Variants in NUP153 observed in about 807,000 individuals in gnomAD.
NUP153 encodes nuclear pore complex protein Nup153.
NUP153 carries 27 observed loss-of-function variants against 134.6 expected under a neutral mutation model. That is an observed-to-expected ratio of 0.20 (90% confidence interval 0.15 to 0.28). The LOEUF (loss-of-function observed/expected upper bound fraction) is 0.28, where lower values mean the gene tolerates loss of function less well. Ranked by LOEUF, NUP153 falls within the 10% of genes least tolerant of loss-of-function variation. NUP153 has a pLI of 1.00. For synonymous variants in NUP153, 640 were observed against 623.5 expected (o/e 1.03, Z -0.40); for missense variants, 1,821 against 1,731.3 (o/e 1.05, Z -0.92).
chr6:17,630,084 A>G lies in NUP153; in HGVS notation c.2660-545T>C, dbSNP rs1765154615. On this transcript the variant is annotated intron_variant, in intron 17 of 21. Coordinates refer to ENST00000262077, the MANE Select transcript of NUP153 (RefSeq NM_005124.4). ...GGCAGAAAGGGAGTGCGGTATACAG[A>G]CTTTTCTAACAAGGTAAAAGGAAGT... Among the ~76,000 whole-genome samples the G allele has an allele frequency of 2.0e-5, 3 of 152,224 alleles. No homozygotes were observed. In the South Asian group the frequency reaches 6.2e-4, roughly 31 times the overall value.
At chr6:17,701,388 G>T (rs576189964) in intron 1 of NUP153, among the ~76,000 whole-genome samples, 1 of 152,078 alleles carries the variant, frequency 6.6e-6, no homozygotes, top group Admixed American at 6.6e-5. Flanking sequence ...ATTAGGCCGA[G>T]TGTGGTAGCT....
At chr6:17,703,216 TA>T (rs953417967) in intron 1 of NUP153, among the ~76,000 whole-genome samples, 17 of 141,500 alleles carry the variant, frequency 1.2e-4, no homozygotes, top group Admixed American at 2.8e-4. Flanking sequence ...AAAAAAAAAT[TA>T]AAAAAAAAAT....
chr6:17,691,997 A>T (rs1464585431), intron 1 of NUP153, among the ~76,000 whole-genome samples: 1 of 152,146 alleles, frequency 6.6e-6, no homozygotes. Context: ...AGATTTAAAA[A>T]TTTTTTGGGG....
At chr6:17,698,605 G>C (rs1027037953) in intron 1 of NUP153, among the ~76,000 whole-genome samples, 1 of 152,006 alleles carries the variant, frequency 6.6e-6, no homozygotes, top group Admixed American at 6.6e-5. Flanking sequence ...GGGCGTGGTG[G>C]TGGGCACCTG....
At position 17,665,248 on chromosome 6, in the gene NUP153, G is replaced by C. The variant is rs6906499; in HGVS notation, c.1206C>G (p.Asn402Lys). 459,734 of 1,588,158 alleles carry C rather than the reference G, an allele frequency of 0.29. 69,529 individuals carry two copies. Among genetic ancestry groups the C allele is most frequent in the East Asian group, 0.33 (14,627 of 44,620 alleles). ...ATATACATATACTCACACTGCACTT[G>C]TTATCTATTCTTTGATTAGTCTTCC... ...EFRKTNQRID[N>K]KCSTGYEKNM... Residue 402 changes from asparagine to lysine, a missense_variant, in exon 9 of 22, where the codon AAC becomes AAG. By Grantham distance (94) the Asn-to-Lys change is moderately conservative (BLOSUM62 0). Coordinates refer to ENST00000262077, the MANE Select transcript of NUP153 (RefSeq NM_005124.4).
intron 20 of NUP153, among the ~76,000 whole-genome samples, chr6:17,622,561 A>G (rs1764700384): frequency 6.6e-6 from 1 of 152,182 alleles, no homozygotes; most frequent in Non-Finnish European, 1.5e-5. Flanking sequence ...TCTTTCCCCA[A>G]GTTTCAACAA....
chr6:17,691,218 T>G (rs973558451), intron 1 of NUP153, among the ~76,000 whole-genome samples: 2 of 152,090 alleles, frequency 1.3e-5, no homozygotes, highest in Non-Finnish European at 2.9e-5. Context: ...ATTGTGCAAA[T>G]TTTCAATAGA....
chr6:17,643,081 C>A (rs1765939376), intron 14 of NUP153, among the ~76,000 whole-genome samples: 4 of 152,132 alleles, frequency 2.6e-5, no homozygotes, highest in Admixed American at 2.6e-4. Context: ...TGTTTTGGAA[C>A]TAGATAAAAA....
chr6:17,646,055 AT>A lies in NUP153; in HGVS notation c.1720+11del. ...TTGTTTGTATGTTAAAATGTAAGAA[AT>A]TTTTACTTACCTGAACTACTTATAA... On this transcript the variant is annotated intron_variant, in intron 14 of 21. Transcript: ENST00000262077. 1 of 1,345,384 alleles carries A rather than the reference AT, an allele frequency of 7.4e-7. No homozygotes were observed. Among genetic ancestry groups the A allele is most frequent in the Non-Finnish European group, 1.1e-6 (1 of 950,712 alleles). 83.3% of individuals were successfully genotyped at this position (1,345,384 alleles called of 1,614,324 possible).
chr6:17,624,662 G>A lies in NUP153; in HGVS notation c.4073C>T (p.Ala1358Val), dbSNP rs746316376. 6 of 1,614,064 alleles carry A rather than the reference G, an allele frequency of 3.7e-6. No homozygotes were observed. The highest frequency in any genetic ancestry group is 2.7e-5 in the African/African-American group (2 of 74,926). The change falls in exon 20 of 22, where the codon GCA becomes GTA. Residue 1358 changes from alanine (A) to valine (V), a missense_variant. Transcript: ENST00000262077. ...TALFPTGSQP[A>V]PPTFGTVSSS... Reference sequence around the variant, plus strand: ...TGACACTGTCCCAAAAGTAGGTGGTGCAGGCTGAGAACCAGTGGGAAATAA... The same window carrying A: ...TGACACTGTCCCAAAAGTAGGTGGTACAGGCTGAGAACCAGTGGGAAATAA...
rs748473313 is a variant in NUP153, at chr6:17,649,295, C to T, written c.1401G>A (p.Met467Ile). 5.0e-6 allele frequency: 8 copies of T among 1,609,842 alleles called. No homozygotes were observed. The African/African-American group carries it at 6.7e-5, about 13-fold the overall frequency. The change falls in exon 12 of 22, where the codon ATG becomes ATA. Residue 467 changes from methionine to isoleucine, a missense_variant. Transcript: ENST00000262077. ...AGATTTTCGGTAATACTGGAACTTC[C>T]ATTTCCTAAAACATAACATGTTGCA... Reference protein sequence around the residue: ...VASKPLEEEEMEVPVLPKISL... With the variant: ...VASKPLEEEEIEVPVLPKISL...
chr6:17,629,125 C>G lies in NUP153; in HGVS notation c.3074G>C (p.Gly1025Ala). The G allele has an allele frequency of 6.2e-7, 1 of 1,613,852 alleles. No individual in the cohort carries two copies. The highest frequency in any genetic ancestry group is 8.5e-7 in the Non-Finnish European group (1 of 1,179,960). The change falls in exon 18 of 22, where the codon GGT (glycine) becomes GCT (alanine). Residue 1025 changes from glycine (G) to alanine (A), a missense_variant. By Grantham distance (60) the Gly-to-Ala change is moderately conservative. Transcript: ENST00000262077. ...AGGGGTGGAGTTAATAACACCTGTA[C>G]CAAAGCTAAAACCTGCAGAGGAAGA... ...PKSSSAGFSF[G>A]TGVINSTPAP...
At chr6:17,643,413 G>A (rs576437926) in intron 14 of NUP153, among the ~76,000 whole-genome samples, 1 of 152,088 alleles carries the variant, frequency 6.6e-6, no homozygotes, top group East Asian at 1.9e-4. Context: ...CGGAGGTTGC[G>A]GTGAGCTGAG....
At chr6:17,674,631 G>T (rs578052639) in intron 5 of NUP153, among the ~76,000 whole-genome samples, 3 of 152,038 alleles carry the variant, frequency 2.0e-5, no homozygotes, top group South Asian at 2.1e-4. Context: ...TTAGCTGGGC[G>T]TGGTGGCATG....
rs1362078232 is a variant in NUP153 at position 17,616,093 on chromosome 6, A to T, written c.*4T>A. ...TAAAATTGAGTACAACACCAATGTG[A>T]CCTTTATTTCCTGCGTCTAACAGCA... is the stretch of plus-strand genomic sequence containing the variant. On this transcript the variant is annotated 3_prime_UTR_variant, in exon 22 of 22. Coordinates refer to ENST00000262077, the MANE Select transcript of NUP153 (RefSeq NM_005124.4). 2.5e-6 allele frequency: 4 copies of T among 1,601,702 alleles called. No homozygotes were observed. The highest frequency in any genetic ancestry group is 1.1e-5 in the South Asian group (1 of 90,816).
intron 20 of NUP153, among the ~76,000 whole-genome samples, 169 bp from the exon 21 acceptor site, chr6:17,616,864 C>CTCAG (rs951320015): frequency 2.6e-5 from 4 of 152,206 alleles, no homozygotes; most frequent in African/African-American, 9.6e-5. Context: ...ATTCCCCTGC[C>CTCAG]TCAGCCTCCC....
At chr6:17,701,843 G>GT (rs1554148663) in intron 1 of NUP153, among the ~76,000 whole-genome samples, 7 of 87,316 alleles carry the variant, frequency 8.0e-5, no homozygotes, top group Admixed American at 7.2e-4. Context: ...GGGGGGGGGG[G>GT]GAAAAAAGCT....
At chr6:17,681,272 G>T (rs529552990) in intron 2 of NUP153, among the ~76,000 whole-genome samples, 1 of 151,982 alleles carries the variant, frequency 6.6e-6, no homozygotes, top group South Asian at 2.1e-4. Context: ...GAATACCAGT[G>T]GGCAACTCAT....
At chr6:17,698,694 C>T (rs914191378) in intron 1 of NUP153, among the ~76,000 whole-genome samples, 10 of 148,810 alleles carry the variant, frequency 6.7e-5, no homozygotes, top group Non-Finnish European at 7.4e-5. Context: ...GCCGAGATCG[C>T]GCCACTACAC....
Sources: allele counts gnomAD v4.1 joint callset (sites outside exome capture counted in the v4.1 genomes callset), GRCh38; gene constraint gnomAD v4.1.1; transcripts MANE v1.5; gene names NCBI Gene and HGNC (gene_info 2026-07-23, HGNC 2026-07-21).